ZNF317: variants seen among roughly 807,000 people sequenced by gnomAD.
ZNF317 encodes zinc finger protein 317, also known as KRAB-containing zinc finger protein 317.
Under a neutral mutation model 23.4 loss-of-function variants are expected in ZNF317, and 17 were observed. The observed-to-expected ratio is 0.73, with a 90% CI of 0.50 to 1.09. ZNF317 has a LOEUF of 1.09. Ranked by LOEUF, ZNF317 falls within the 50% of genes least tolerant of loss-of-function variation. ZNF317 has a pLI of 0.00. For missense variants in ZNF317, 679 were observed against 796.7 expected, an observed-to-expected ratio of 0.85 and a Z score of 1.78; for synonymous variants, 317 against 314.9, an observed-to-expected ratio of 1.01 and a Z score of -0.07.
chr19:9,161,202 G>A lies in ZNF317; in HGVS notation c.1557G>A (p.Thr519=), dbSNP rs1268929376. 14 of 1,614,074 alleles carry A rather than the reference G, an allele frequency of 8.7e-6. No homozygotes were observed. The African/African-American group carries it at 9.3e-5, about 11-fold the overall frequency. ...TCAGGAACCAGTCAACGCTGAAGAC[G>A]CACATGCGAAGCCACACGGGGGAGA... ...KAFRNQSTLK[T]HMRSHTGEKP... Residue 519 remains threonine (T), a synonymous_variant, in exon 7 of 7, where the codon ACG becomes ACA. Coordinates refer to ENST00000247956, the MANE Select transcript of ZNF317 (RefSeq NM_020933.5). The surrounding 1 kb of genome is among the most constrained non-coding windows in gnomAD (Gnocchi z 4.0).
In ZNF317 at chr19:9,140,540, G is replaced by T. The variant is rs1466956859; in HGVS notation, c.-145G>T. On this transcript the variant is annotated 5_prime_UTR_variant, in exon 1 of 7. Transcript: ENST00000247956. ...GGACCTCCCGTATGAACTTCTCTTC[G>T]CATCGGCGGCGGCTTCCGTCACCTC... 2.2e-6 allele frequency: 1 copy of T among 456,528 alleles called. No individual in the cohort carries two copies. The highest frequency in any genetic ancestry group is 4.4e-6 in the Non-Finnish European group (1 of 226,898). The allele number at this position is 456,528 out of a possible 1,614,324, so 28.3% of individuals were successfully genotyped here.
intron 1 of ZNF317, among the ~76,000 whole-genome samples, chr19:9,143,133 T>A (rs921956573): frequency 6.6e-6 from 1 of 152,212 alleles, no homozygotes; most frequent in African/African-American, 2.4e-5. Context: ...CTTTAGGAAT[T>A]TATTTATTCC....
rs1257968306 is a variant in ZNF317, at chr19:9,160,586, C to A, written c.941C>A (p.Ala314Asp). 6.2e-7 allele frequency: 1 copy of A among 1,614,196 alleles called. No individual in the cohort carries two copies. Among genetic ancestry groups the A allele is most frequent in the South Asian group, 1.1e-5 (1 of 91,092 alleles). ...RPYKCDQCGK[A>D]YGRSCHLIAH... Reference sequence around the variant, plus strand: ...TACAAGTGTGATCAGTGCGGGAAGGCTTACGGCCGGAGCTGCCACCTCATC... The same window carrying A: ...TACAAGTGTGATCAGTGCGGGAAGGATTACGGCCGGAGCTGCCACCTCATC... Residue 314 changes from alanine (A) to aspartate (D), a missense_variant, in exon 7 of 7, where the codon GCT (alanine) becomes GAT (aspartate). Ala to Asp is a moderately radical substitution (Grantham distance 126). Coordinates refer to ENST00000247956, the MANE Select transcript of ZNF317 (RefSeq NM_020933.5). The surrounding 1 kb of genome is among the most constrained non-coding windows in gnomAD (Gnocchi z 6.8).
intron 1 of ZNF317, among the ~76,000 whole-genome samples, chr19:9,148,527 C>A (rs1393443447): frequency 6.6e-6 from 1 of 151,070 alleles, no homozygotes; most frequent in East Asian, 1.9e-4. Flanking sequence ...GATCCCAGAC[C>A]CCCTACATTC....
At chr19:9,150,104 A>G (rs2050723139) in intron 1 of ZNF317, among the ~76,000 whole-genome samples, 1 of 152,176 alleles carries the variant, frequency 6.6e-6, no homozygotes, top group African/African-American at 2.4e-5. Context: ...TGGTGGCAGC[A>G]CAGTTGTAGG....
At chr19:9,144,327 T>TA (rs1308897043) in intron 1 of ZNF317, among the ~76,000 whole-genome samples, 2 of 152,210 alleles carry the variant, frequency 1.3e-5, no homozygotes, top group African/African-American at 4.8e-5. Context: ...ATATTTTAGA[T>TA]ATCTCTTGTA....
rs531003861 is a variant in ZNF317, at chr19:9,152,812, G to T, written c.-92-3113G>T. 1.7e-3 allele frequency among the ~76,000 whole-genome samples: 262 copies of T among 152,270 alleles called. 1 individual carries two copies. Among genetic ancestry groups the T allele is most frequent in the Non-Finnish European group, 3.0e-3 (206 of 68,020 alleles). On this transcript the variant is annotated intron_variant, in intron 1 of 6. Transcript: ENST00000247956. ...TCACCTCACCATCCATGGAAAAATT[G>T]TCTTCCATGACACCAGTCTCTGATG...
intron 1 of ZNF317, among the ~76,000 whole-genome samples, chr19:9,154,427 A>G (rs1288820821): frequency 2.0e-5 from 3 of 150,594 alleles, no homozygotes; most frequent in Admixed American, 1.3e-4. Context: ...TTTTTTTTCA[A>G]TTCTATCAAC....
chr19:9,151,200 G>T (rs562336552), intron 1 of ZNF317, among the ~76,000 whole-genome samples: 2 of 152,258 alleles, frequency 1.3e-5, no homozygotes, highest in South Asian at 4.1e-4. Flanking sequence ...GTGACTTAAT[G>T]TCAGAACCCA....
chr19:9,157,603 G>T, intron 4 of ZNF317: 1 of 642,530 alleles, frequency 1.6e-6, no homozygotes, highest in East Asian at 3.2e-5. Context: ...TCTGAGCTTG[G>T]CATGGGCTTC....
At chr19:9,154,689 G>A (rs944484393) in intron 1 of ZNF317, among the ~76,000 whole-genome samples, 1 of 152,164 alleles carries the variant, frequency 6.6e-6, no homozygotes, top group African/African-American at 2.4e-5. Context: ...ATTTTTGTAC[G>A]AGTCTTTGTG....
intron 6 of ZNF317, 80 bp downstream of exon 6, chr19:9,158,988 C>A: frequency 1.0e-6 from 1 of 964,396 alleles, no homozygotes; most frequent in Non-Finnish European, 1.7e-6. Flanking sequence ...AAAAGCAGTT[C>A]AACACCAGGG....
At chr19:9,151,364 T>C (rs1354985945) in intron 1 of ZNF317, among the ~76,000 whole-genome samples, 1 of 152,246 alleles carries the variant, frequency 6.6e-6, no homozygotes, top group Non-Finnish European at 1.5e-5. Context: ...TTTGAAATGT[T>C]TCTGAATATC....
At chr19:9,155,877 G>C in intron 1 of ZNF317, 48 bp from the exon 2 acceptor site, 2 of 1,036,222 alleles carry the variant, frequency 1.9e-6, no homozygotes, top group Non-Finnish European at 3.0e-6. Flanking sequence ...GTGAGCAGGA[G>C]AGACAGATAG....
chr19:9,141,550 T>C (rs2050629822), intron 1 of ZNF317, among the ~76,000 whole-genome samples: 1 of 152,238 alleles, frequency 6.6e-6, no homozygotes. Flanking sequence ...AGCACACCTT[T>C]GTAATTTAGA....
intron 1 of ZNF317, among the ~76,000 whole-genome samples, chr19:9,152,910 C>G (rs1458470875): frequency 1.3e-5 from 2 of 152,216 alleles, no homozygotes; most frequent in Non-Finnish European, 2.9e-5. Context: ...CATTCTCTTA[C>G]AGCCCTTTGA....
intron 1 of ZNF317, among the ~76,000 whole-genome samples, chr19:9,150,974 G>A (rs1409547408): frequency 6.6e-6 from 1 of 152,162 alleles, no homozygotes; most frequent in Admixed American, 6.5e-5. Flanking sequence ...GGATTAAATA[G>A]GAGTGGCCCT....
rs535658696 is a variant in ZNF317 at position 9,154,021 on chromosome 19, C to T, written c.-92-1904C>T. Among the ~76,000 whole-genome samples, 6 of 151,932 alleles carry T rather than the reference C, an allele frequency of 3.9e-5. No homozygotes were observed. The South Asian group carries it at 6.2e-4, about 16-fold the overall frequency. ...ATGCATAGGAAATTGTCTAGCAGGG[C>T]GAGAAATGAGGCTGAAAGTAAAGGA... On this transcript the variant is annotated intron_variant, in intron 1 of 6. Transcript: ENST00000247956.
chr19:9,160,518 G>A lies in ZNF317; in HGVS notation c.873G>A (p.Ser291=), dbSNP rs149354815. 70 of 1,614,002 alleles carry A rather than the reference G, an allele frequency of 4.3e-5. No homozygotes were observed. Among genetic ancestry groups the A allele is most frequent in the Non-Finnish European group, 9.3e-6 (11 of 1,180,030 alleles). The part of the protein sequence containing the change: ...SQCGNAFRTL[S]ALKIHMRVHT... ...GTGGAAATGCATTCCGGACCCTCTC[G>A]GCCCTGAAAATCCACATGCGAGTTC... Residue 291 remains serine (S), a synonymous_variant, in exon 7 of 7, where the codon TCG becomes TCA. Coordinates refer to ENST00000247956, the MANE Select transcript of ZNF317 (RefSeq NM_020933.5). The surrounding 1 kb of genome is among the most constrained non-coding windows in gnomAD (Gnocchi z 6.8).
Sources: allele counts gnomAD v4.1 joint callset (sites outside exome capture counted in the v4.1 genomes callset), GRCh38; gene constraint gnomAD v4.1.1; non-coding constraint Gnocchi (gnomAD v3.1); transcripts MANE v1.5; gene names NCBI Gene and HGNC (gene_info 2026-07-23, HGNC 2026-07-21).